The following PNPLA7 variants were observed in gnomAD, a reference collection of about 807,000 sequenced individuals.
PNPLA7 encodes the protein patatin-like phospholipase domain-containing protein 7.
Under a neutral mutation model 161.7 loss-of-function variants are expected in PNPLA7, and 153 were observed. The ratio of observed to expected loss-of-function variants is 0.95; its 90% CI spans 0.83 to 1.08. The LOEUF is 1.08. Among genes scored for constraint, PNPLA7 ranks in the 50% least tolerant of loss-of-function variants. PNPLA7 has a pLI of 0.00. For missense variants in PNPLA7, 1,739 were observed against 1,856.6 expected (o/e 0.94, Z 1.16); for synonymous variants, 809 against 782.1 (o/e 1.03, Z -0.57).
intron 8 of PNPLA7, among the ~76,000 whole-genome samples, chr9:137,532,792 C>T (rs868611385): frequency 2.6e-5 from 4 of 152,132 alleles, no homozygotes; most frequent in Non-Finnish European, 4.4e-5. Flanking sequence ...GGCTTTTCCC[C>T]GTGGCCAGAG....
chr9:137,526,567 G>A (rs778867429), intron 8 of PNPLA7, among the ~76,000 whole-genome samples: 7 of 152,116 alleles, frequency 4.6e-5, no homozygotes, highest in Non-Finnish European at 8.8e-5. Flanking sequence ...GTGAGCCACC[G>A]CGCCTGGCCG....
chr9:137,474,788 G>A (rs918529679), intron 25 of PNPLA7, among the ~76,000 whole-genome samples: 3 of 151,276 alleles, frequency 2.0e-5, no homozygotes, highest in East Asian at 1.9e-4. Context: ...CAAGGCAGGC[G>A]GATCACGAGG....
At chr9:137,535,497 G>A (rs1460841530) in intron 8 of PNPLA7, among the ~76,000 whole-genome samples, 1 of 152,208 alleles carries the variant, frequency 6.6e-6, no homozygotes, top group Non-Finnish European at 1.5e-5. Flanking sequence ...GCTCACACCT[G>A]TAATCCCAGC....
rs1836781714 is a variant in PNPLA7, at chr9:137,550,293, T to C, written c.-96A>G. ...CCGCTCATGCTCACACCTGGACACT[T>C]TTCCCTGGGTTCCTTTCAAGTCAAA... On this transcript the variant is annotated 5_prime_UTR_variant, in exon 1 of 35. Coordinates refer to ENST00000406427, the MANE Select transcript of PNPLA7 (RefSeq NM_001098537.3). 1 of 1,331,900 alleles carries C rather than the reference T, an allele frequency of 7.5e-7. No individual in the cohort carries two copies. Among genetic ancestry groups the C allele is most frequent in the African/African-American group, 1.4e-5 (1 of 69,056 alleles). 82.5% of individuals were successfully genotyped at this position (1,331,900 alleles called of 1,614,324 possible).
In PNPLA7 at chr9:137,480,389, A is replaced by G. The variant is rs1832155178; in HGVS notation, c.2503T>C (p.Trp835Arg). Residue 835 changes from tryptophan to arginine, a missense_variant, in exon 23 of 35, where the codon TGG (tryptophan) becomes CGG (arginine). By Grantham distance (101) the Trp-to-Arg change is moderately radical. Around this residue, in one of 6 missense-constraint regions of PNPLA7, gnomAD observed 192 missense variants for 249.5 expected, o/e 0.77. Coordinates refer to ENST00000406427, the MANE Select transcript of PNPLA7 (RefSeq NM_001098537.3). Reference protein sequence around the residue: ...LYQADGTLTPWTQRCVRQADC... With the variant: ...LYQADGTLTPRTQRCVRQADC... ...GCCTGGCGCACGCAGCGCTGGGTCC[A>G]GGGTGTGAGCGTGCCATCTGCCTGG... The G allele has an allele frequency of 6.2e-7, 1 of 1,613,528 alleles. No homozygotes were observed. The highest frequency in any genetic ancestry group is 1.1e-5 in the South Asian group (1 of 91,078).
chr9:137,548,306 G>A (rs946326241), intron 1 of PNPLA7, among the ~76,000 whole-genome samples: 1 of 152,204 alleles, frequency 6.6e-6, no homozygotes, highest in Non-Finnish European at 1.5e-5. Flanking sequence ...ATTCCTGCTG[G>A]CATCACACCT....
chr9:137,498,856 G>A lies in PNPLA7; in HGVS notation c.1758-611C>T, dbSNP rs141545438. The stretch of plus-strand genomic sequence containing the variant: ...CTGCACCAGGTGTGAGAGTGACGCC[G>A]GGCGACTCCAGGCCTAGCCTGAGCC... On this transcript the variant is annotated intron_variant, in intron 16 of 34. Transcript: ENST00000406427. Among the ~76,000 whole-genome samples, 676 of 152,288 alleles carry A rather than the reference G, an allele frequency of 4.4e-3. 5 individuals are homozygous for A. Among genetic ancestry groups the A allele is most frequent in the South Asian group, 0.025 (119 of 4,822 alleles).
intron 8 of PNPLA7, among the ~76,000 whole-genome samples, chr9:137,529,260 G>T (rs1210686943): frequency 6.6e-6 from 1 of 152,228 alleles, no homozygotes; most frequent in Non-Finnish European, 1.5e-5. Flanking sequence ...CTCCCACAGT[G>T]CTGGGATTAC....
rs1251290539 is a variant in PNPLA7, at chr9:137,540,587, A to G, written c.747+55T>C. 2 of 1,471,958 alleles carry G rather than the reference A, an allele frequency of 1.4e-6. No homozygotes were observed. Among genetic ancestry groups the G allele is most frequent in the Non-Finnish European group, 1.9e-6 (2 of 1,076,132 alleles). The allele number at this position is 1,471,958 out of a possible 1,614,324, so 91.2% of individuals were successfully genotyped here. Reference sequence around the variant, plus strand: ...GCTGTCCAGACAAGACAGAAAAACCAGGCCTCCGGGGCCAACCCAGGGGCG... The same window carrying G: ...GCTGTCCAGACAAGACAGAAAAACCGGGCCTCCGGGGCCAACCCAGGGGCG... On this transcript the variant is annotated intron_variant, in intron 8 of 34. Coordinates refer to ENST00000406427, the MANE Select transcript of PNPLA7 (RefSeq NM_001098537.3). This position sits in a 1 kb window ranked among gnomAD's most constrained non-coding sequence, Gnocchi z 5.1.
chr9:137,462,335 C>CT lies in PNPLA7; in HGVS notation c.3493-5dup, dbSNP rs1831253306. On this transcript the variant is annotated splice_region_variant and splice_polypyrimidine_tract_variant and intron_variant, in intron 30 of 34. Coordinates refer to ENST00000406427, the MANE Select transcript of PNPLA7 (RefSeq NM_001098537.3). ...GAATCTCTGCCATGTTCAACACCTG[C>CT]TGCCGTCACAGCCGCCTGAGTCTCC... 6.3e-7 allele frequency: 1 copy of CT among 1,593,416 alleles called. No homozygotes were observed. The highest frequency in any genetic ancestry group is 1.3e-5 in the African/African-American group (1 of 74,400).
chr9:137,544,965 A>G (rs1193776616), intron 4 of PNPLA7, among the ~76,000 whole-genome samples: 1 of 151,984 alleles, frequency 6.6e-6, no homozygotes, highest in East Asian at 1.9e-4. Context: ...TCAATTTTCT[A>G]TGAAGAACAC....
Position 137,476,155 on chromosome 9 carries a change from T to G in PNPLA7, c.2882+1879A>C, listed in dbSNP as rs2132121782. Among the ~76,000 whole-genome samples the G allele has an allele frequency of 6.6e-6, 1 of 152,236 alleles. No individual in the cohort carries two copies. Among genetic ancestry groups the G allele is most frequent in the East Asian group, 1.9e-4 (1 of 5,174 alleles). ...GCTAGAGGGCTTTCGGGAGGATGAC[T>G]CCTGAAAAGTAAACAGAGATGAGTG... On this transcript the variant is annotated intron_variant, in intron 25 of 34. Coordinates refer to ENST00000406427, the MANE Select transcript of PNPLA7 (RefSeq NM_001098537.3). This position sits in a 1 kb window ranked among gnomAD's most constrained non-coding sequence, Gnocchi z 4.5.
At chr9:137,463,977 G>A (rs1162952496) in intron 28 of PNPLA7, 149 bp downstream of exon 28, 15 of 887,640 alleles carry the variant, frequency 1.7e-5, no homozygotes, top group Non-Finnish European at 2.5e-5. Context: ...CCCTAGTAGG[G>A]GCATCCTGTG....
At chr9:137,491,023 T>C (rs1195320718) in intron 20 of PNPLA7, among the ~76,000 whole-genome samples, 1 of 152,158 alleles carries the variant, frequency 6.6e-6, no homozygotes, top group African/African-American at 2.4e-5. Flanking sequence ...CCACTGAAAA[T>C]GTCACATGAA....
At chr9:137,482,880 GT>G (rs1448240394) in intron 21 of PNPLA7, among the ~76,000 whole-genome samples, 3 of 152,204 alleles carry the variant, frequency 2.0e-5, no homozygotes, top group Non-Finnish European at 4.4e-5. Flanking sequence ...TTTTTTGTTT[GT>G]TTTTGTTTTG....
chr9:137,542,720 G>A lies in PNPLA7; in HGVS notation c.588C>T (p.His196=), dbSNP rs1180841150. 3 of 1,613,486 alleles carry A rather than the reference G, an allele frequency of 1.9e-6. No individual in the cohort carries two copies. The highest frequency in any genetic ancestry group is 1.3e-5 in the African/African-American group (1 of 74,890). The change falls in exon 7 of 35, where the codon CAC becomes CAT. Residue 196 remains histidine (H), a synonymous_variant. Transcript: ENST00000406427. ...IVFVQLQEGE[H]VFQPREPDPS... ...GGTCCGGCTCCCTGGGCTGGAAGAC[G>A]TGCTCCCCTTCCTGCAGCTGCACAA...
rs576870285 is a variant in PNPLA7, at chr9:137,547,671, A to G, written c.31-12T>C. On this transcript the variant is annotated splice_polypyrimidine_tract_variant and intron_variant, in intron 1 of 34. Coordinates refer to ENST00000406427, the MANE Select transcript of PNPLA7 (RefSeq NM_001098537.3). This position sits in a 1 kb window ranked among gnomAD's most constrained non-coding sequence, Gnocchi z 4.6. ...AGGCAGAAGTCAGCCTGCAGCAGAG[A>G]GCATGGGGTCAGGTGGGCATGGACA... The G allele has an allele frequency of 6.2e-7, 1 of 1,612,686 alleles. No homozygotes were observed. Among genetic ancestry groups the G allele is most frequent in the East Asian group, 2.2e-5 (1 of 44,874 alleles).
chr9:137,460,379 T>C lies in PNPLA7; in HGVS notation c.*14A>G, dbSNP rs758177806. 6.2e-7 allele frequency: 1 copy of C among 1,610,350 alleles called. No homozygotes were observed. Among genetic ancestry groups the C allele is most frequent in the South Asian group, 1.1e-5 (1 of 90,902 alleles). On this transcript the variant is annotated 3_prime_UTR_variant, in exon 35 of 35. Transcript: ENST00000406427. Reference sequence around the variant, plus strand: ...CACGGAAGACGCTGCATCCGGGCTCTTTAGCAGAGGCCTCTACCCGTCCTG... The same window carrying C: ...CACGGAAGACGCTGCATCCGGGCTCCTTAGCAGAGGCCTCTACCCGTCCTG...
At position 137,497,065 on chromosome 9, in the gene PNPLA7, T is replaced by C. The variant is rs1274296174; in HGVS notation, c.2013+122A>G. 4.8e-6 allele frequency: 6 copies of C among 1,247,874 alleles called. No individual in the cohort carries two copies. In the East Asian group the frequency reaches 1.3e-4, roughly 26 times the overall value. The allele number at this position is 1,247,874 out of a possible 1,614,324, so 77.3% of individuals were successfully genotyped here. On this transcript the variant is annotated intron_variant, in intron 18 of 34. Transcript: ENST00000406427. The stretch of plus-strand genomic sequence containing the variant: ...CAAAGCGGCTGCGGGGCATCACTAC[T>C]ACCATCCACTCCTGGGGCTTTTGCT...
Sources: allele counts gnomAD v4.1 joint callset (sites outside exome capture counted in the v4.1 genomes callset), GRCh38; gene constraint gnomAD v4.1.1; regional missense constraint gnomAD v4.1.1; non-coding constraint Gnocchi (gnomAD v3.1); transcripts MANE v1.5; gene names NCBI Gene and HGNC (gene_info 2026-07-23, HGNC 2026-07-21).